Variants in ARB2A observed in about 807,000 individuals in gnomAD.
ARB2A encodes the protein cotranscriptional regulator ARB2A.
At chr5:93,740,401 C>G in the ARB2A span, 1 of 644,124 alleles carries the variant, frequency 1.6e-6, no homozygotes, top group Non-Finnish European at 2.6e-6. Flanking sequence ...CATCTTCTCT[C>G]CCAGGTTTTT....
chr5:93,884,577 T>C, the ARB2A span, among the ~76,000 whole-genome samples: 2 of 151,626 alleles, frequency 1.3e-5, no homozygotes, highest in African/African-American at 4.8e-5. Context: ...ATTTCAACAA[T>C]GGATGCTTCT....
At chr5:93,758,145 C>T in the ARB2A span, among the ~76,000 whole-genome samples, 1 of 152,038 alleles carries the variant, frequency 6.6e-6, no homozygotes, top group East Asian at 1.9e-4. Context: ...TTAAAAGAGA[C>T]AAAGAGGGAC....
the ARB2A span, among the ~76,000 whole-genome samples, chr5:93,933,554 A>C: frequency 6.6e-6 from 1 of 152,194 alleles, no homozygotes; most frequent in Non-Finnish European, 1.5e-5. Context: ...ACACAGGAAC[A>C]GAAAACCAAA....
chr5:93,820,458 T>C, the ARB2A span, among the ~76,000 whole-genome samples: 2 of 152,230 alleles, frequency 1.3e-5, no homozygotes, highest in Admixed American at 1.3e-4. Flanking sequence ...AAAAACTGCA[T>C]TGTTTTAAAA....
At chr5:93,844,828 C>G in the ARB2A span, among the ~76,000 whole-genome samples, 1 of 152,302 alleles carries the variant, frequency 6.6e-6, no homozygotes, top group African/African-American at 2.4e-5. Flanking sequence ...ACATAATTAC[C>G]TAATGAGCCG....
the ARB2A span, among the ~76,000 whole-genome samples, chr5:93,914,168 A>T: frequency 1.3e-5 from 2 of 151,950 alleles, no homozygotes; most frequent in African/African-American, 4.8e-5. Context: ...AATAATGATC[A>T]AGGAGGGTTT....
At chr5:93,759,725 T>G in the ARB2A span, among the ~76,000 whole-genome samples, 1 of 152,216 alleles carries the variant, frequency 6.6e-6, no homozygotes, top group South Asian at 2.1e-4. Context: ...CTCAGCAAAA[T>G]TGGCATACAA....
At chr5:94,049,119 A>C in the ARB2A span, among the ~76,000 whole-genome samples, 2 of 152,196 alleles carry the variant, frequency 1.3e-5, no homozygotes, top group Admixed American at 1.3e-4. Flanking sequence ...ACTAAAACTT[A>C]TGTGTCCACA....
the ARB2A span, among the ~76,000 whole-genome samples, chr5:93,796,135 C>A: frequency 1.2e-4 from 19 of 152,286 alleles, no homozygotes; most frequent in African/African-American, 3.4e-4. Flanking sequence ...AGTAACAAGA[C>A]GGCTTTTCAA....
chr5:93,753,760 T>C, the ARB2A span, among the ~76,000 whole-genome samples: 2 of 152,226 alleles, frequency 1.3e-5, no homozygotes, highest in Admixed American at 1.3e-4. Flanking sequence ...GTCTAAGCTA[T>C]AGTAGGGGCA....
At chr5:94,063,019 G>T in the ARB2A span, among the ~76,000 whole-genome samples, 1 of 152,230 alleles carries the variant, frequency 6.6e-6, no homozygotes, top group Non-Finnish European at 1.5e-5. Context: ...TCTATGGCTA[G>T]AGCCACTGAA....
chr5:93,738,418 T>C, the ARB2A span: 1 of 152,598 alleles, frequency 6.6e-6, no homozygotes, highest in East Asian at 1.9e-4. Context: ...ATAGAATTAC[T>C]GTATGACTCA....
At chr5:94,094,980 A>G in the ARB2A span, among the ~76,000 whole-genome samples, 19 of 152,310 alleles carry the variant, frequency 1.2e-4, no homozygotes, top group East Asian at 3.5e-3. Flanking sequence ...TCTCCCCATG[A>G]CGTCATGATC....
At chr5:93,990,620 TAAAAAA>T in the ARB2A span, among the ~76,000 whole-genome samples, 186 of 75,240 alleles carry the variant, frequency 2.5e-3, no homozygotes, top group African/African-American at 8.3e-3. Flanking sequence ...CTACCATGAG[TAAAAAA>T]AAAAAAAAAA....
At chr5:94,053,923 C>A in the ARB2A span, among the ~76,000 whole-genome samples, 624 of 152,126 alleles carry the variant, frequency 4.1e-3, 4 homozygotes, top group Non-Finnish European at 6.8e-3. Flanking sequence ...CGGGTGCCCC[C>A]ATGCCAGGTT....
At chr5:93,834,597 T>C in the ARB2A span, among the ~76,000 whole-genome samples, 4 of 152,312 alleles carry the variant, frequency 2.6e-5, no homozygotes, top group African/African-American at 9.6e-5. Flanking sequence ...TTCTGCCAAA[T>C]ATTTGCAGCC....
the ARB2A span, chr5:93,740,901 G>A: frequency 5.9e-5 from 96 of 1,613,878 alleles, no homozygotes; most frequent in Non-Finnish European, 7.5e-5. Flanking sequence ...GGCTGTTTCC[G>A]ATTCGTCGCT....
the ARB2A span, among the ~76,000 whole-genome samples, chr5:93,621,570 C>T: frequency 1.3e-5 from 2 of 152,252 alleles, no homozygotes; most frequent in Admixed American, 1.3e-4. Flanking sequence ...CTCCGGGAAA[C>T]CACCCACTCC....
chr5:93,949,420 G>T, the ARB2A span, among the ~76,000 whole-genome samples: 2 of 151,958 alleles, frequency 1.3e-5, no homozygotes, highest in African/African-American at 4.8e-5. Flanking sequence ...AATTAGCTGG[G>T]CGTGGTGGCA....
Sources: allele counts gnomAD v4.1 joint callset (sites outside exome capture counted in the v4.1 genomes callset), GRCh38; gene constraint gnomAD v4.1.1; transcripts MANE v1.5; gene names NCBI Gene and HGNC (gene_info 2026-07-23, HGNC 2026-07-21).